PDCD4: variants seen among roughly 807,000 people sequenced by gnomAD.
PDCD4 encodes programmed cell death 4, also known as programmed cell death protein 4.
A neutral mutation model predicts 54.0 loss-of-function variants in PDCD4; 56 were observed. The observed-to-expected ratio is 1.04, with a 90% CI of 0.84 to 1.30. PDCD4 has a LOEUF of 1.30. PDCD4 is among the 50% of genes most tolerant of loss of function. The pLI, the probability that PDCD4 is intolerant of heterozygous loss-of-function variation, is 0.00. For missense variants in PDCD4, 584 were observed against 559.8 expected (o/e 1.04, Z -0.44); for synonymous variants, 186 against 194.8 (o/e 0.95, Z 0.37).
intron 5 of PDCD4, 150 bp from the exon 6 acceptor site, chr10:110,887,515 T>G: frequency 1.7e-6 from 1 of 596,080 alleles, no homozygotes; most frequent in Non-Finnish European, 2.9e-6. Flanking sequence ...TTATCCTATC[T>G]TCTAAAACAT....
At chr10:110,890,206 A>G (rs983514452) in intron 7 of PDCD4, among the ~76,000 whole-genome samples, 1 of 152,154 alleles carries the variant, frequency 6.6e-6, no homozygotes, top group Non-Finnish European at 1.5e-5. Flanking sequence ...TATTAACTTA[A>G]TTTTCTAGGG....
intron 1 of PDCD4, among the ~76,000 whole-genome samples, chr10:110,874,819 C>T (rs1013103401): frequency 7.8e-4 from 118 of 152,194 alleles, no homozygotes; most frequent in African/African-American, 2.7e-3. Flanking sequence ...GTCAGTTTCA[C>T]CTTTGAGTCC....
chr10:110,881,124 CAAAAATG>C, intron 2 of PDCD4, 102 bp from the exon 3 acceptor site: 1 of 741,824 alleles, frequency 1.3e-6, no homozygotes, highest in South Asian at 1.9e-5. Flanking sequence ...AATTTACCTA[CAAAAATG>C]GTAATGTCAT....
In PDCD4 at chr10:110,894,624, T is replaced by G. The variant is rs1416045959; in HGVS notation, c.1209+102T>G. 3 of 590,690 alleles carry G rather than the reference T, an allele frequency of 5.1e-6. No individual in the cohort carries two copies. The African/African-American group carries it at 5.7e-5, about 11-fold the overall frequency. The allele number at this position is 590,690 out of a possible 1,614,324, so 36.6% of individuals were successfully genotyped here. A position where few individuals can be genotyped will look rare whatever the true frequency, so the allele number is the denominator to read the frequency against. On this transcript the variant is annotated intron_variant, in intron 10 of 11. Coordinates refer to ENST00000280154, the MANE Select transcript of PDCD4 (RefSeq NM_014456.5). ...CAGTGAAATTTTCTTTAGGTATGTTTAGTGTTAATATGCCTATATGTTTTG... is the reference window on the plus strand; with the variant it reads ...CAGTGAAATTTTCTTTAGGTATGTTGAGTGTTAATATGCCTATATGTTTTG...
chr10:110,896,094 T>C lies in PDCD4; in HGVS notation c.1349+7T>C. ...GAGATCTTTGTCCTTCAAGGTACTT[T>C]ATTTAAATACTACTTTCTCAATGTA... On this transcript the variant is annotated splice_region_variant and intron_variant, in intron 11 of 11. Coordinates refer to ENST00000280154, the MANE Select transcript of PDCD4 (RefSeq NM_014456.5). 1 of 1,580,446 alleles carries C rather than the reference T, an allele frequency of 6.3e-7. No homozygotes were observed. The highest frequency in any genetic ancestry group is 8.6e-7 in the Non-Finnish European group (1 of 1,162,636).
intron 2 of PDCD4, among the ~76,000 whole-genome samples, chr10:110,877,540 CTGGAAAATTTAAAATTTCTTATA>C (rs1253535448): frequency 1.3e-5 from 2 of 152,092 alleles, no homozygotes; most frequent in African/African-American, 4.8e-5. Context: ...AATGTGGCTA[CTGGAAAATTTAAAATTTCTTATA>C]TGGCTTGCAT....
intron 6 of PDCD4, among the ~76,000 whole-genome samples, chr10:110,889,012 A>G (rs1468893856): frequency 2.6e-5 from 4 of 151,904 alleles, no homozygotes; most frequent in Admixed American, 6.6e-5. Context: ...CAGGCGGATC[A>G]CGAGGTCAGG....
At position 110,875,371 on chromosome 10, in the gene PDCD4, A is replaced by G. The variant is rs578093967; in HGVS notation, c.-62-595A>G. 7.9e-5 allele frequency among the ~76,000 whole-genome samples: 12 copies of G among 152,264 alleles called. No homozygotes were observed. The South Asian group carries it at 2.5e-3, about 32-fold the overall frequency. On this transcript the variant is annotated intron_variant, in intron 1 of 11. Transcript: ENST00000280154. The stretch of plus-strand genomic sequence containing the variant: ...TATCAAAAAAGGATTTCTCATATAA[A>G]TAATATTATCAAAAAAGCTGATTTT...
intron 2 of PDCD4, 108 bp from the exon 3 acceptor site, chr10:110,881,125 A>C: frequency 1.3e-6 from 1 of 748,884 alleles, no homozygotes; most frequent in Admixed American, 2.7e-5. Context: ...ATTTACCTAC[A>C]AAAATGGTAA....
Position 110,881,422 on chromosome 10 carries a change from G to T in PDCD4, c.233G>T (p.Ser78Ile). The T allele has an allele frequency of 6.2e-7, 1 of 1,614,220 alleles. No homozygotes were observed. Among genetic ancestry groups the T allele is most frequent in the Non-Finnish European group, 8.5e-7 (1 of 1,180,042 alleles). Reference sequence around the variant, plus strand: ...GACTCTGGCAGAGGCGATTCGGTCAGCGACAGTGGGAGTGACGCCCTTAGA... The same window carrying T: ...GACTCTGGCAGAGGCGATTCGGTCATCGACAGTGGGAGTGACGCCCTTAGA... ...SRDSGRGDSVSDSGSDALRSG... is the reference protein window; with the variant it reads ...SRDSGRGDSVIDSGSDALRSG... The change falls in exon 3 of 12, where the codon AGC becomes ATC. Residue 78 changes from serine (S) to isoleucine (I), a missense_variant. Transcript: ENST00000280154.
At chr10:110,873,548 T>A (rs181971735) in intron 1 of PDCD4, among the ~76,000 whole-genome samples, 2 of 152,364 alleles carry the variant, frequency 1.3e-5, no homozygotes, top group East Asian at 3.8e-4. Flanking sequence ...GAACAGTGTT[T>A]AATGTCAGCC....
chr10:110,883,797 T>G (rs1845628698), intron 4 of PDCD4, among the ~76,000 whole-genome samples: 1 of 152,204 alleles, frequency 6.6e-6, no homozygotes, highest in African/African-American at 2.4e-5. Context: ...AGGAAAACGT[T>G]AAGAGTATGT....
At chr10:110,883,591 T>G (rs1845624743) in intron 4 of PDCD4, among the ~76,000 whole-genome samples, 1 of 152,204 alleles carries the variant, frequency 6.6e-6, no homozygotes. Flanking sequence ...CTTGTACTCC[T>G]CTCTTAGCTT....
chr10:110,881,421 A>G lies in PDCD4; in HGVS notation c.232A>G (p.Ser78Gly). The G allele has an allele frequency of 6.2e-7, 1 of 1,614,224 alleles. No individual in the cohort carries two copies. Among genetic ancestry groups the G allele is most frequent in the Non-Finnish European group, 8.5e-7 (1 of 1,180,048 alleles). The change falls in exon 3 of 12, where the codon AGC (serine) becomes GGC (glycine). Residue 78 changes from serine to glycine, a missense_variant. Transcript: ENST00000280154. ...GGACTCTGGCAGAGGCGATTCGGTC[A>G]GCGACAGTGGGAGTGACGCCCTTAG... ...SRDSGRGDSV[S>G]DSGSDALRSG...
intron 2 of PDCD4, among the ~76,000 whole-genome samples, chr10:110,876,421 A>ATTTTATT (rs1309317638): frequency 1.3e-5 from 2 of 152,216 alleles, no homozygotes; most frequent in African/African-American, 4.8e-5. Context: ...CTGTAAGAAA[A>ATTTTATT]CAGGCTATAT....
chr10:110,883,998 T>G (rs146946471), intron 4 of PDCD4, among the ~76,000 whole-genome samples: 1 of 152,240 alleles, frequency 6.6e-6, no homozygotes, highest in East Asian at 1.9e-4. Flanking sequence ...GTTGTAAATA[T>G]AGCAGTCCCC....
At chr10:110,884,553 A>AT (rs921704894) in intron 4 of PDCD4, among the ~76,000 whole-genome samples, 2 of 150,758 alleles carry the variant, frequency 1.3e-5, no homozygotes, top group African/African-American at 2.4e-5. Context: ...TTCCTGCTTC[A>AT]TTTTTTTTTA....
chr10:110,879,750 T>G (rs1198924855), intron 2 of PDCD4, among the ~76,000 whole-genome samples: 1 of 152,128 alleles, frequency 6.6e-6, no homozygotes, highest in Non-Finnish European at 1.5e-5. Context: ...CAGTCTTCAT[T>G]CAGTATAGTT....
chr10:110,883,451 C>T (rs1210116962), intron 4 of PDCD4, among the ~76,000 whole-genome samples: 12 of 151,834 alleles, frequency 7.9e-5, no homozygotes, highest in Non-Finnish European at 1.8e-4. Context: ...CTATATAATA[C>T]ATTTTGTTTT....
Sources: gnomAD v4.1 joint callset for allele counts (sites outside exome capture counted in the v4.1 genomes callset) on GRCh38, gnomAD v4.1.1 for gene constraint, MANE v1.5 for transcripts, NCBI Gene and HGNC (gene_info 2026-07-23, HGNC 2026-07-21) for gene names.